Variants in ATP2B1 observed in about 807,000 individuals in gnomAD.
The protein encoded by ATP2B1 is ATPase plasma membrane Ca2+ transporting 1, also known as plasma membrane calcium-transporting ATPase 1.
In ATP2B1, 14 loss-of-function variants were observed where a neutral mutation model predicts 124.2. The observed-to-expected ratio is 0.11, with a 90% CI of 0.07 to 0.18. ATP2B1 has a LOEUF of 0.18. ATP2B1 is among the 10% of genes least tolerant of loss of function. ATP2B1 has a pLI of 1.00. For synonymous variants in ATP2B1, 449 were observed against 492.4 expected (o/e 0.91, Z 1.17); for missense variants, 763 against 1,466.1 (o/e 0.52, Z 7.83).
intron 2 of ATP2B1, among the ~76,000 whole-genome samples, chr12:89,651,947 TA>T (rs1415743790): frequency 1.3e-5 from 2 of 152,252 alleles, no homozygotes; most frequent in African/African-American, 4.8e-5. Flanking sequence ...CAAAAAGTGT[TA>T]CCCATCATAA....
At chr12:89,699,915 G>A (rs1435338678) in intron 1 of ATP2B1, among the ~76,000 whole-genome samples, 1 of 151,866 alleles carries the variant, frequency 6.6e-6, no homozygotes, top group African/African-American at 2.4e-5. Context: ...CACAATCTCA[G>A]TTCACTGCAA....
chr12:89,603,683 T>A lies in ATP2B1; in HGVS notation c.2848+29A>T, dbSNP rs760604059. 6.9e-6 allele frequency: 11 copies of A among 1,592,140 alleles called. No individual in the cohort carries two copies. Among genetic ancestry groups the A allele is most frequent in the Non-Finnish European group, 9.5e-6 (11 of 1,160,674 alleles). The stretch of plus-strand genomic sequence containing the variant: ...TTAGCTTGGAAAAGAAACAATTAAC[T>A]GAAGCTTTATTAGACACTGAATTCT... On this transcript the variant is annotated intron_variant, in intron 17 of 20. Transcript: ENST00000428670. The surrounding 1 kb of genome is among the most constrained non-coding windows in gnomAD (Gnocchi z 4.3).
At chr12:89,706,987 A>G (rs1219275204) in intron 1 of ATP2B1, among the ~76,000 whole-genome samples, 10 of 150,690 alleles carry the variant, frequency 6.6e-5, no homozygotes, top group Admixed American at 5.3e-4. Context: ...AAATAAGCCC[A>G]TTTCATATAC....
At chr12:89,677,969 T>TACACACACACAC (rs1207955529) in intron 1 of ATP2B1, among the ~76,000 whole-genome samples, 8 of 59,528 alleles carry the variant, frequency 1.3e-4, no homozygotes, top group African/African-American at 3.5e-4. Flanking sequence ...TATATATATA[T>TACACACACACAC]ATACACACAC....
intron 9 of ATP2B1, among the ~76,000 whole-genome samples, chr12:89,622,952 C>T (rs924512897): frequency 2.0e-5 from 3 of 152,062 alleles, no homozygotes; most frequent in Middle Eastern, 3.2e-3. Context: ...AATGGCAGTT[C>T]GGTAAAATGA....
At chr12:89,643,377 G>A (rs1329178134) in intron 2 of ATP2B1, among the ~76,000 whole-genome samples, 1 of 152,050 alleles carries the variant, frequency 6.6e-6, no homozygotes, top group African/African-American at 2.4e-5. Flanking sequence ...GAGTAACAGT[G>A]AAAAGTTAAT....
At chr12:89,667,308 T>C (rs770994824) in intron 1 of ATP2B1, among the ~76,000 whole-genome samples, 1 of 152,220 alleles carries the variant, frequency 6.6e-6, no homozygotes, top group Non-Finnish European at 1.5e-5. Context: ...CTCCTGTCCA[T>C]TGTATCACTT....
chr12:89,638,404 C>A (rs755099303), intron 3 of ATP2B1, among the ~76,000 whole-genome samples: 13 of 152,102 alleles, frequency 8.5e-5, no homozygotes, highest in Admixed American at 5.2e-4. Context: ...AAAGTGCTGT[C>A]GTGAAACCTG....
At chr12:89,699,488 T>C (rs578212514) in intron 1 of ATP2B1, among the ~76,000 whole-genome samples, 2 of 152,244 alleles carry the variant, frequency 1.3e-5, no homozygotes, top group African/African-American at 4.8e-5. Context: ...AAATAAATGG[T>C]TGAAAGTTTG....
intron 15 of ATP2B1, 90 bp from the exon 16 acceptor site, chr12:89,604,436 T>C (rs1310019771): frequency 4.5e-6 from 4 of 896,714 alleles, no homozygotes; most frequent in Non-Finnish European, 6.6e-6. Flanking sequence ...ACAAAAAGTT[T>C]ACCATTATAC....
At chr12:89,618,731 A>G (rs1428095461) in intron 11 of ATP2B1, among the ~76,000 whole-genome samples, 2 of 152,124 alleles carry the variant, frequency 1.3e-5, no homozygotes, top group African/African-American at 4.8e-5. Flanking sequence ...TTTCATACCA[A>G]AATCTATCTT....
At chr12:89,668,038 C>T (rs1482503418) in intron 1 of ATP2B1, among the ~76,000 whole-genome samples, 1 of 152,092 alleles carries the variant, frequency 6.6e-6, no homozygotes, top group Non-Finnish European at 1.5e-5. Flanking sequence ...TAGGATACAC[C>T]TAAATTGAGG....
intron 15 of ATP2B1, among the ~76,000 whole-genome samples, chr12:89,606,384 G>A (rs1383950224): frequency 2.0e-5 from 3 of 152,096 alleles, no homozygotes; most frequent in Admixed American, 1.3e-4. Flanking sequence ...CAAAAATTTG[G>A]TATGTGGCAG....
At chr12:89,599,031 A>C (rs1875262697) in intron 20 of ATP2B1, 86 bp downstream of exon 20, 1 of 1,448,640 alleles carries the variant, frequency 6.9e-7, no homozygotes, top group African/African-American at 1.4e-5. Flanking sequence ...CTAGAGAGGA[A>C]GTTTAAGGAG....
At chr12:89,645,597 TGAGAAGACTTTC>T (rs1884321653) in intron 2 of ATP2B1, among the ~76,000 whole-genome samples, 2 of 152,064 alleles carry the variant, frequency 1.3e-5, no homozygotes, top group South Asian at 4.1e-4. Context: ...GGGTCAAGGG[TGAGAAGACTTTC>T]GAGCAGAACA....
intron 13 of ATP2B1, 76 bp from the exon 14 acceptor site, chr12:89,610,584 T>C (rs1877807531): frequency 6.0e-6 from 7 of 1,159,836 alleles, no homozygotes; most frequent in Non-Finnish European, 9.0e-6. Flanking sequence ...GGCATATTTA[T>C]CAGTAGCTCT....
chr12:89,610,683 A>G, intron 13 of ATP2B1, 175 bp from the exon 14 acceptor site: 1 of 581,500 alleles, frequency 1.7e-6, no homozygotes, highest in Non-Finnish European at 3.0e-6. Flanking sequence ...TATCTTAGCG[A>G]ATACTGTGGG....
At chr12:89,645,736 G>A (rs1884349727) in intron 2 of ATP2B1, among the ~76,000 whole-genome samples, 1 of 152,192 alleles carries the variant, frequency 6.6e-6, no homozygotes, top group Non-Finnish European at 1.5e-5. Context: ...AAAGAAGAGA[G>A]GGTCAAAATG....
At chr12:89,621,415 T>C (rs1879942032) in intron 10 of ATP2B1, 134 bp downstream of exon 10, 1 of 634,628 alleles carries the variant, frequency 1.6e-6, no homozygotes. Context: ...AAAACCATTA[T>C]ATAAATAAAT....
Sources: gnomAD v4.1 joint callset for allele counts (sites outside exome capture counted in the v4.1 genomes callset) on GRCh38, gnomAD v4.1.1 for gene constraint, Gnocchi (gnomAD v3.1) non-coding constraint, MANE v1.5 for transcripts, NCBI Gene and HGNC (gene_info 2026-07-23, HGNC 2026-07-21) for gene names.